LHX4: variants seen among roughly 807,000 people sequenced by gnomAD.
The protein encoded by LHX4 is LIM homeobox 4.
LHX4 carries 16 observed loss-of-function variants against 39.2 expected under a neutral mutation model. The observed-to-expected ratio is 0.41, with a 90% CI of 0.28 to 0.62. LHX4 has a LOEUF of 0.62. Among genes scored for constraint, LHX4 ranks in the 20% least tolerant of loss-of-function variants. The pLI, the probability that LHX4 is intolerant of heterozygous loss-of-function variation, is 0.33. For synonymous variants in LHX4, 206 were observed against 198.1 expected (o/e 1.04, Z -0.33); for missense variants, 439 against 511.9 (o/e 0.86, Z 1.37).
In LHX4 at chr1:180,274,706, C is replaced by T; in HGVS notation, c.*127C>T. ...ATTTCCATTATTTTCAATGGAAGTC[C>T]TCCGCTGATTCCTAGAAGGCTGTGA... On this transcript the variant is annotated 3_prime_UTR_variant, in exon 6 of 6. Coordinates refer to ENST00000263726, the MANE Select transcript of LHX4 (RefSeq NM_033343.4). The T allele has an allele frequency of 8.8e-7, 1 of 1,142,354 alleles. No homozygotes were observed. Among genetic ancestry groups the T allele is most frequent in the Non-Finnish European group, 1.2e-6 (1 of 814,926 alleles). The allele number at this position is 1,142,354 out of a possible 1,614,324, so 70.8% of individuals were successfully genotyped here. A position where few individuals can be genotyped will look rare whatever the true frequency, so the allele number is the denominator to read the frequency against.
At chr1:180,229,901 G>T (rs1158462155), upstream of LHX4, among the ~76,000 whole-genome samples, 1 of 143,172 alleles carries the variant, frequency 7.0e-6, no homozygotes, top group East Asian at 2.1e-4. Context: ...CAGGCCATCA[G>T]CAGAATTTAT....
rs952944397 is a variant in LHX4, at chr1:180,276,085, G to A, written c.*1506G>A. On this transcript the variant is annotated 3_prime_UTR_variant, in exon 6 of 6. Coordinates refer to ENST00000263726, the MANE Select transcript of LHX4 (RefSeq NM_033343.4). ...GCTGGAATTTATTCCTGTCCCTCTG[G>A]GAAGCTGTGTTTGCTTCTTCTGGCC... 1.5e-4 allele frequency: 2 copies of A among 13,088 alleles called. No homozygotes were observed. Among genetic ancestry groups the A allele is most frequent in the Non-Finnish European group, 2.7e-4 (2 of 7,440 alleles). 0.8% of individuals were successfully genotyped at this position (13,088 alleles called of 1,614,324 possible). A position where few individuals can be genotyped will look rare whatever the true frequency, so the allele number is the denominator to read the frequency against.
At chr1:180,255,040 C>T (rs1454746303) in intron 2 of LHX4, among the ~76,000 whole-genome samples, 4 of 152,324 alleles carry the variant, frequency 2.6e-5, no homozygotes, top group Middle Eastern at 6.8e-3. Context: ...CTGCATTTTC[C>T]TCATGGGATG....
chr1:180,231,059 G>C (rs1171261184), intron 1 of LHX4, among the ~76,000 whole-genome samples: 1 of 152,100 alleles, frequency 6.6e-6, no homozygotes, highest in Non-Finnish European at 1.5e-5. Context: ...TGGGGCTGGC[G>C]GCGGAGAAGC....
intron 2 of LHX4, among the ~76,000 whole-genome samples, chr1:180,253,315 C>T (rs1278514498): frequency 6.6e-6 from 1 of 152,234 alleles, no homozygotes; most frequent in Non-Finnish European, 1.5e-5. Context: ...CCCTTGCTAT[C>T]ACCAGGTGGG....
In LHX4 at chr1:180,234,349, TCCCCG is replaced by T. The variant is rs1025397279; in HGVS notation, c.76+3747_76+3751del. Among the ~76,000 whole-genome samples the T allele has an allele frequency of 6.6e-6, 1 of 151,802 alleles. No individual in the cohort carries two copies. The highest frequency in any genetic ancestry group is 2.4e-5 in the African/African-American group (1 of 41,324). ...CAATTTTTACAGATGAGGTCAGCTGTCCCCGCCGGCCGATTCGGGCCTGATGGGTT... is the reference window on the plus strand; with the variant it reads ...CAATTTTTACAGATGAGGTCAGCTGTCCGGCCGATTCGGGCCTGATGGGTT... On this transcript the variant is annotated intron_variant, in intron 1 of 5. Transcript: ENST00000263726. The surrounding 1 kb of genome is among the most constrained non-coding windows in gnomAD (Gnocchi z 4.8).
chr1:180,242,058 C>T (rs1664454619), intron 1 of LHX4, among the ~76,000 whole-genome samples: 2 of 151,882 alleles, frequency 1.3e-5, no homozygotes, highest in African/African-American at 4.8e-5. Context: ...GAGCCCTTTC[C>T]AAAAAAGTAT....
At chr1:180,235,865 C>T (rs1355540748) in intron 1 of LHX4, among the ~76,000 whole-genome samples, 1 of 152,186 alleles carries the variant, frequency 6.6e-6, no homozygotes, top group African/African-American at 2.4e-5. Context: ...AGGGGGTTTG[C>T]TTTGTGCAGG....
At chr1:180,229,386 C>T (rs1340882182), upstream of LHX4, among the ~76,000 whole-genome samples, 1 of 152,128 alleles carries the variant, frequency 6.6e-6, no homozygotes, top group Non-Finnish European at 1.5e-5. Context: ...GAGGCAAGTG[C>T]GGACTCCGGC....
chr1:180,229,921 G>A (rs572655235), upstream of LHX4, among the ~76,000 whole-genome samples: 4 of 143,462 alleles, frequency 2.8e-5, no homozygotes, highest in African/African-American at 1.1e-4. Flanking sequence ...TACCCAGGGC[G>A]CGAGCCCGCC....
chr1:180,269,322 A>C (rs1265667900), intron 3 of LHX4, among the ~76,000 whole-genome samples: 1 of 152,194 alleles, frequency 6.6e-6, no homozygotes, highest in African/African-American at 2.4e-5. Flanking sequence ...GTTTTGTCAC[A>C]TTTAACTTCC....
In LHX4 at chr1:180,266,494, C is replaced by T; in HGVS notation, c.351C>T (p.Cys117=). ...DFVYHLHCFA[C]IICNRQLATG... is the part of the protein sequence containing the mutation. ...TCTACCACCTGCACTGCTTTGCTTG[C>T]ATCATCTGCAACCGGCAGCTGGCCA... is the stretch of plus-strand genomic sequence containing the variant. Residue 117 remains cysteine, a synonymous_variant, in exon 3 of 6, where the codon TGC becomes TGT. Transcript: ENST00000263726. The surrounding 1 kb of genome is among the most constrained non-coding windows in gnomAD (Gnocchi z 5.7). The T allele has an allele frequency of 6.2e-7, 1 of 1,614,244 alleles. No individual in the cohort carries two copies. The highest frequency in any genetic ancestry group is 8.5e-7 in the Non-Finnish European group (1 of 1,180,030).
chr1:180,239,324 A>G (rs374256700), intron 1 of LHX4, among the ~76,000 whole-genome samples: 1 of 152,232 alleles, frequency 6.6e-6, no homozygotes, highest in Non-Finnish European at 1.5e-5. Context: ...CAGAACAGCA[A>G]TGTCTGCAAT....
At chr1:180,258,883 T>C (rs66712875) in intron 2 of LHX4, among the ~76,000 whole-genome samples, 6,021 of 151,994 alleles carry the variant, frequency 0.04, 180 homozygotes, top group South Asian at 0.08. Context: ...TGCTGACAGA[T>C]CAGATGGGGA....
chr1:180,239,820 G>C (rs911433425), intron 1 of LHX4, among the ~76,000 whole-genome samples: 2 of 152,150 alleles, frequency 1.3e-5, no homozygotes, highest in African/African-American at 4.8e-5. Flanking sequence ...GAGTGCTGGT[G>C]GTCTTAAGGC....
intron 2 of LHX4, among the ~76,000 whole-genome samples, chr1:180,254,046 A>G (rs1263837509): frequency 1.3e-5 from 2 of 152,226 alleles, no homozygotes; most frequent in East Asian, 1.9e-4. Context: ...CAACGTTCCT[A>G]CACGTTTGTA....
intron 1 of LHX4, among the ~76,000 whole-genome samples, chr1:180,244,777 G>A (rs1647321197): frequency 1.3e-5 from 2 of 152,230 alleles, no homozygotes; most frequent in South Asian, 4.1e-4. Context: ...AAGGGCCAGA[G>A]AAGATGGTGC....
In LHX4 at chr1:180,277,533, ATGGAAAC is replaced by A. The variant is rs1649106567; in HGVS notation, c.*2957_*2963del. ...TCCAGTGGTAACTGGTATAAGCAAA[ATGGAAAC>A]TGAGGGGCTATGGAGGAATCTCTGT... On this transcript the variant is annotated 3_prime_UTR_variant, in exon 6 of 6. Transcript: ENST00000263726. 6.6e-6 allele frequency: 1 copy of A among 152,134 alleles called. No homozygotes were observed. Among genetic ancestry groups the A allele is most frequent in the African/African-American group, 2.4e-5 (1 of 41,444 alleles). The allele number at this position is 152,134 out of a possible 1,614,324, so 9.4% of individuals were successfully genotyped here.
Position 180,274,386 on chromosome 1 carries a change from T to C in LHX4, c.980T>C (p.Leu327Pro). The C allele has an allele frequency of 1.2e-6, 2 of 1,614,152 alleles. No homozygotes were observed. The highest frequency in any genetic ancestry group is 1.7e-6 in the Non-Finnish European group (2 of 1,180,024). The change falls in exon 6 of 6, where the codon CTC becomes CCC. Residue 327 changes from leucine (L) to proline (P), a missense_variant. Physicochemically the swap from Leu to Pro is moderately conservative, Grantham distance 98. Coordinates refer to ENST00000263726, the MANE Select transcript of LHX4 (RefSeq NM_033343.4). ...TCCCTGCCATCCCACGCTCCTTTGC[T>C]CAATGGGCTGGATTACACGGTGGAC... ...ISSLPSHAPL[L>P]NGLDYTVDSN...
Sources: gnomAD v4.1 joint callset for allele counts (sites outside exome capture counted in the v4.1 genomes callset) on GRCh38, gnomAD v4.1.1 for gene constraint, Gnocchi (gnomAD v3.1) non-coding constraint, MANE v1.5 for transcripts, NCBI Gene and HGNC (gene_info 2026-07-23, HGNC 2026-07-21) for gene names.